Variants in DPP6 observed in about 807,000 individuals in gnomAD.
DPP6 encodes the protein dipeptidyl peptidase like 6, also known as A-type potassium channel modulatory protein DPP6.
In DPP6, 69 loss-of-function variants were observed where a neutral mutation model predicts 122.6. That is an observed-to-expected ratio of 0.56 (90% confidence interval 0.46 to 0.69). The LOEUF is 0.69. DPP6 is among the 30% of genes least tolerant of loss of function. The pLI, the probability that DPP6 is intolerant of heterozygous loss-of-function variation, is 0.00. For missense variants in DPP6, 928 were observed against 1,116.9 expected (o/e 0.83, Z 2.41); for synonymous variants, 418 against 433.1 (o/e 0.97, Z 0.43).
At chr7:154,775,955 A>C (rs966472620) in intron 10 of DPP6, among the ~76,000 whole-genome samples, 1 of 150,170 alleles carries the variant, frequency 6.7e-6, no homozygotes. Flanking sequence ...TGTGCTGGGG[A>C]CCCTCCTTGG....
At chr7:154,686,406 A>AC (rs55828242) in intron 7 of DPP6, among the ~76,000 whole-genome samples, 45,148 of 150,210 alleles carry the variant, frequency 0.3, 7,116 homozygotes, top group Middle Eastern at 0.37. Context: ...ATTCAAGGCC[A>AC]CCATAAGGAT....
intron 2 of DPP6, among the ~76,000 whole-genome samples, chr7:154,472,753 G>A (rs969315419): frequency 6.6e-6 from 1 of 152,222 alleles, no homozygotes; most frequent in East Asian, 1.9e-4. Context: ...AGAGAGGCCA[G>A]CAGTGAGTTT....
At chr7:153,819,452 C>T in the DPP6 span, among the ~76,000 whole-genome samples, 12 of 151,410 alleles carry the variant, frequency 7.9e-5, no homozygotes, top group Admixed American at 7.2e-4. Flanking sequence ...CCTATTCCTG[C>T]CTGAGTGGCT....
At chr7:153,842,925 A>G in the DPP6 span, among the ~76,000 whole-genome samples, 2 of 152,318 alleles carry the variant, frequency 1.3e-5, no homozygotes. Flanking sequence ...ATTTTGATAG[A>G]AAGTATTTTT....
At chr7:154,384,590 C>G (rs1467059460) in intron 1 of DPP6, among the ~76,000 whole-genome samples, 3 of 152,154 alleles carry the variant, frequency 2.0e-5, no homozygotes, top group African/African-American at 7.2e-5. Context: ...CCTCTCTATA[C>G]TAACAGTTTT....
chr7:154,128,882 A>G (rs1189727061), intron 1 of DPP6, among the ~76,000 whole-genome samples: 1 of 150,108 alleles, frequency 6.7e-6, no homozygotes, highest in Non-Finnish European at 1.5e-5. Context: ...AGCATTTGCA[A>G]CTTACCAAAG....
intron 18 of DPP6, among the ~76,000 whole-genome samples, chr7:154,871,406 T>G (rs1804386723): frequency 6.6e-6 from 1 of 152,260 alleles, no homozygotes; most frequent in Admixed American, 6.5e-5. Context: ...ATCTGAAAGA[T>G]GTCAGCCCTA....
rs955273697 is a variant in DPP6, at chr7:154,889,573, A to T, written c.2451+43A>T. The stretch of plus-strand genomic sequence containing the variant: ...CTCTGTTTTGAACCTGGAGCAAGAC[A>T]TTCCTTTCATGGAGAAAGACCTGAC... On this transcript the variant is annotated intron_variant, in intron 25 of 25. Coordinates refer to ENST00000377770, the MANE Select transcript of DPP6 (RefSeq NM_130797.4). 3 of 1,573,674 alleles carry T rather than the reference A, an allele frequency of 1.9e-6. No individual in the cohort carries two copies. The African/African-American group carries it at 4.1e-5, about 21-fold the overall frequency.
At chr7:153,810,414 T>C in the DPP6 span, among the ~76,000 whole-genome samples, 1 of 152,074 alleles carries the variant, frequency 6.6e-6, no homozygotes, top group East Asian at 1.9e-4. Context: ...GTATTACTGA[T>C]ACACAGTGAG....
At chr7:153,995,210 C>G (rs1455337587) in intron 1 of DPP6, among the ~76,000 whole-genome samples, 3 of 152,084 alleles carry the variant, frequency 2.0e-5, no homozygotes, top group African/African-American at 7.2e-5. Context: ...TCACAGTAGC[C>G]ACTGATAAAA....
chr7:153,900,630 C>A (rs148877657), intron 1 of DPP6, among the ~76,000 whole-genome samples: 202 of 152,214 alleles, frequency 1.3e-3, no homozygotes, highest in African/African-American at 4.8e-3. Flanking sequence ...GAGGGTAACA[C>A]CAAGCCATTC....
At chr7:154,073,894 G>C (rs1423065489) in intron 1 of DPP6, among the ~76,000 whole-genome samples, 1 of 152,194 alleles carries the variant, frequency 6.6e-6, no homozygotes, top group East Asian at 1.9e-4. Flanking sequence ...GCTGAGGCAG[G>C]AGAATTGCTT....
chr7:154,343,843 A>G (rs1014840424), intron 1 of DPP6, among the ~76,000 whole-genome samples: 8 of 150,518 alleles, frequency 5.3e-5, no homozygotes, highest in Admixed American at 5.3e-4. Context: ...GGCCTCCCAC[A>G]GTGCTGGGAT....
chr7:154,035,229 C>T (rs555869729), intron 1 of DPP6, among the ~76,000 whole-genome samples: 1 of 152,362 alleles, frequency 6.6e-6, no homozygotes, highest in Non-Finnish European at 1.5e-5. Context: ...GCCATCTCTT[C>T]ATGAGGGCGT....
At chr7:154,508,800 T>C (rs977552144) in intron 3 of DPP6, among the ~76,000 whole-genome samples, 1 of 152,218 alleles carries the variant, frequency 6.6e-6, no homozygotes, top group African/African-American at 2.4e-5. Flanking sequence ...TAGCATAGAT[T>C]TTCTATGTTA....
chr7:154,589,547 T>C (rs6976119), intron 5 of DPP6, among the ~76,000 whole-genome samples: 152,212 of 152,396 alleles, frequency 1, 76,017 homozygotes, highest in Non-Finnish European at 1. Flanking sequence ...TGGTCTACAG[T>C]TGCACTGGCC....
intron 1 of DPP6, among the ~76,000 whole-genome samples, chr7:154,353,579 T>C (rs1436821844): frequency 2.0e-5 from 3 of 152,158 alleles, no homozygotes; most frequent in Non-Finnish European, 4.4e-5. Flanking sequence ...GGGCTTGTGA[T>C]GAATCCTAGG....
chr7:154,212,091 A>G (rs1355876933), intron 1 of DPP6, among the ~76,000 whole-genome samples: 1 of 152,130 alleles, frequency 6.6e-6, no homozygotes, highest in African/African-American at 2.4e-5. Context: ...CCTTGCCTCC[A>G]TCACATGGCT....
At chr7:154,806,278 C>T (rs1051721154) in intron 15 of DPP6, among the ~76,000 whole-genome samples, 1 of 152,206 alleles carries the variant, frequency 6.6e-6, no homozygotes, top group Admixed American at 6.5e-5. Context: ...TTAGAGGGGA[C>T]CCTCCTGCGG....
Sources: gnomAD v4.1 joint callset for allele counts (sites outside exome capture counted in the v4.1 genomes callset) on GRCh38, gnomAD v4.1.1 for gene constraint, MANE v1.5 for transcripts, NCBI Gene and HGNC (gene_info 2026-07-23, HGNC 2026-07-21) for gene names.